Variants in DCC observed in about 807,000 individuals in gnomAD.
The protein encoded by DCC is DCC netrin 1 receptor.
A neutral mutation model predicts 172.5 loss-of-function variants in DCC; 58 were observed. The ratio of observed to expected loss-of-function variants is 0.34; its 90% confidence interval spans 0.27 to 0.42. DCC has a LOEUF of 0.42. Among genes scored for constraint, DCC ranks in the 10% least tolerant of loss-of-function variants. DCC has a pLI of 1.00. For synonymous variants in DCC, 709 were observed against 644.5 expected, an observed-to-expected ratio of 1.10 and a Z score of -1.52; for missense variants, 1,740 against 1,791.0, an observed-to-expected ratio of 0.97 and a Z score of 0.51.
rs2057190001 is a variant in DCC, at chr18:53,305,564, C to G, written c.1912-14C>G. The G allele has an allele frequency of 1.2e-6, 2 of 1,602,294 alleles. No homozygotes were observed. Among genetic ancestry groups the G allele is most frequent in the East Asian group, 2.2e-5 (1 of 44,792 alleles). On this transcript the variant is annotated splice_polypyrimidine_tract_variant and intron_variant, in intron 12 of 28. Transcript: ENST00000442544. ...CTTTCTTCAATGTTTTAATTTACAC[C>G]TATTATTTTACAGAGTATCAAAGTT...
intron 1 of DCC, among the ~76,000 whole-genome samples, chr18:52,474,661 G>T (rs1989044460): frequency 1.3e-5 from 2 of 152,156 alleles, no homozygotes; most frequent in African/African-American, 4.8e-5. Context: ...AGAGTTGCAG[G>T]ATTTTATAGG....
chr18:52,460,808 T>C (rs1988606875), intron 1 of DCC, among the ~76,000 whole-genome samples: 1 of 151,910 alleles, frequency 6.6e-6, no homozygotes, highest in African/African-American at 2.4e-5. Context: ...AAGATCTACA[T>C]AGGGAATTTA....
intron 26 of DCC, among the ~76,000 whole-genome samples, chr18:53,496,715 C>T (rs551602051): frequency 6.6e-5 from 10 of 152,200 alleles, no homozygotes; most frequent in East Asian, 3.9e-4. Context: ...ACCCAATGCA[C>T]GGAAGTTAAG....
chr18:53,488,301 A>G (rs2045924520), intron 26 of DCC, among the ~76,000 whole-genome samples: 2 of 152,084 alleles, frequency 1.3e-5, no homozygotes, highest in Admixed American at 6.6e-5. Flanking sequence ...TTTAAGCCTG[A>G]GAGGTGGAGA....
At chr18:52,784,768 G>A (rs192187611) in intron 2 of DCC, among the ~76,000 whole-genome samples, 1 of 151,906 alleles carries the variant, frequency 6.6e-6, no homozygotes, top group Non-Finnish European at 1.5e-5. Context: ...ATATGGCTAT[G>A]TTGCTTGGGA....
intron 2 of DCC, among the ~76,000 whole-genome samples, chr18:52,761,771 T>C (rs1211083257): frequency 4.0e-5 from 6 of 151,830 alleles, no homozygotes; most frequent in Admixed American, 3.3e-4. Flanking sequence ...AAACCTTGTT[T>C]GAAAAATTCC....
chr18:52,587,867 G>T (rs988832163), intron 1 of DCC, among the ~76,000 whole-genome samples: 1 of 152,148 alleles, frequency 6.6e-6, no homozygotes. Flanking sequence ...TACAGGCTGG[G>T]GATGAGAAGG....
At chr18:53,173,631 A>G (rs1383411049) in intron 8 of DCC, among the ~76,000 whole-genome samples, 2 of 152,126 alleles carry the variant, frequency 1.3e-5, no homozygotes, top group African/African-American at 4.8e-5. Context: ...AGAGCTAACT[A>G]TCCTAAATAT....
chr18:52,766,861 C>G (rs1031231863), intron 2 of DCC, among the ~76,000 whole-genome samples: 2 of 151,904 alleles, frequency 1.3e-5, no homozygotes, highest in Admixed American at 1.3e-4. Context: ...GGGACCGACC[C>G]TTTTCTGCCT....
chr18:52,628,369 T>G (rs1255769486), intron 1 of DCC, among the ~76,000 whole-genome samples: 1 of 152,250 alleles, frequency 6.6e-6, no homozygotes, highest in Non-Finnish European at 1.5e-5. Context: ...CAATGTGTCT[T>G]TCACTGTATG....
intron 18 of DCC, among the ~76,000 whole-genome samples, chr18:53,398,148 GATGGGTTTCATA>G (rs1245214744): frequency 6.6e-6 from 1 of 151,904 alleles, no homozygotes; most frequent in Admixed American, 6.6e-5. Flanking sequence ...ATGTTTTTTT[GATGGGTTTCATA>G]ATATATCATA....
chr18:52,883,785 A>G (rs1471429941), intron 2 of DCC, among the ~76,000 whole-genome samples: 1 of 151,952 alleles, frequency 6.6e-6, no homozygotes, highest in East Asian at 1.9e-4. Flanking sequence ...TCTGTGTGCT[A>G]TTATCAGTGA....
chr18:53,498,457 C>A (rs1413366551), intron 26 of DCC, among the ~76,000 whole-genome samples: 1 of 151,372 alleles, frequency 6.6e-6, no homozygotes, highest in African/African-American at 2.4e-5. Context: ...TAACCTGGAC[C>A]TGTTAACTTT....
At chr18:53,017,775 T>A in intron 5 of DCC, among the ~76,000 whole-genome samples, 1 of 152,212 alleles carries the variant, frequency 6.6e-6, no homozygotes, top group East Asian at 1.9e-4. Flanking sequence ...AGCAGTAACA[T>A]CATTTACTTT....
chr18:52,931,136 T>C (rs2040301520), intron 5 of DCC, among the ~76,000 whole-genome samples: 1 of 152,058 alleles, frequency 6.6e-6, no homozygotes, highest in South Asian at 2.1e-4. Context: ...TGATATGCTG[T>C]TTTAATTATT....
At chr18:52,534,368 G>C (rs1320388827) in intron 1 of DCC, among the ~76,000 whole-genome samples, 4 of 151,990 alleles carry the variant, frequency 2.6e-5, no homozygotes, top group Non-Finnish European at 5.9e-5. Flanking sequence ...AGTCAGTTTT[G>C]AGAACAAAAT....
At chr18:52,620,761 T>C (rs1243333695) in intron 1 of DCC, among the ~76,000 whole-genome samples, 1 of 152,194 alleles carries the variant, frequency 6.6e-6, no homozygotes, top group Non-Finnish European at 1.5e-5. Flanking sequence ...AACCATAATA[T>C]GTGGCCTTAT....
chr18:53,405,463 G>C lies in DCC; in HGVS notation c.2935+2570G>C, dbSNP rs1317086041. On this transcript the variant is annotated intron_variant, in intron 19 of 28. Coordinates refer to ENST00000442544, the MANE Select transcript of DCC (RefSeq NM_005215.4). ...GCACTAGAATAATTGTTGTAATACA[G>C]TGCTGAGAAAAGCCCCTGATACCCA... 2.0e-5 allele frequency among the ~76,000 whole-genome samples: 3 copies of C among 152,168 alleles called. No individual in the cohort carries two copies. The East Asian group carries it at 5.8e-4, about 29-fold the overall frequency.
intron 1 of DCC, among the ~76,000 whole-genome samples, chr18:52,617,724 GA>G (rs2034409976): frequency 6.6e-6 from 1 of 151,770 alleles, no homozygotes. Context: ...TATCACTACT[GA>G]AAAATATGAG....
Sources: allele counts gnomAD v4.1 joint callset (sites outside exome capture counted in the v4.1 genomes callset), GRCh38; gene constraint gnomAD v4.1.1; transcripts MANE v1.5; gene names NCBI Gene and HGNC (gene_info 2026-07-23, HGNC 2026-07-21).